KCNIP3: variants seen among roughly 807,000 people sequenced by gnomAD.
The protein encoded by KCNIP3 is potassium voltage-gated channel interacting protein 3, also known as calsenilin.
A neutral mutation model predicts 35.0 loss-of-function variants in KCNIP3; 28 were observed. That is an observed-to-expected ratio of 0.80 (90% CI 0.59 to 1.10). The LOEUF is 1.10. Among genes scored for constraint, KCNIP3 ranks in the 50% least tolerant of loss-of-function variants. The probability of loss-of-function intolerance (pLI) is 0.00; values close to 1 mark genes in which losing one functional copy is unlikely to be tolerated. For missense variants in KCNIP3, 295 were observed against 338.4 expected, an observed-to-expected ratio of 0.87 and a Z score of 1.01; for synonymous variants, 134 against 133.8, an observed-to-expected ratio of 1.00 and a Z score of -0.01.
chr2:95,326,715 G>C (rs1678804998), intron 2 of KCNIP3, among the ~76,000 whole-genome samples: 1 of 152,208 alleles, frequency 6.6e-6, no homozygotes, highest in Non-Finnish European at 1.5e-5. Context: ...ATGTAAATTG[G>C]AGTCTGCCAC....
In KCNIP3 at chr2:95,308,938, G is replaced by T. The variant is rs1678246604; in HGVS notation, c.16-1417G>T. On this transcript the variant is annotated intron_variant, in intron 1 of 8. Coordinates refer to ENST00000295225, the MANE Select transcript of KCNIP3 (RefSeq NM_013434.5). ...AAATACTTTTCAGGACCGTGCAAAGGTAGCACACACGAGACCCTGTGACCT... is the reference window on the plus strand; with the variant it reads ...AAATACTTTTCAGGACCGTGCAAAGTTAGCACACACGAGACCCTGTGACCT... Among the ~76,000 whole-genome samples the T allele has an allele frequency of 2.6e-5, 4 of 152,224 alleles. No individual in the cohort carries two copies. In the South Asian group the frequency reaches 8.3e-4, roughly 32 times the overall value.
intron 5 of KCNIP3, among the ~76,000 whole-genome samples, chr2:95,380,223 T>C (rs1680303730): frequency 6.6e-6 from 1 of 152,232 alleles, no homozygotes; most frequent in Admixed American, 6.5e-5. Flanking sequence ...TTTTTCCAGT[T>C]ACCTCTTTTT....
intron 2 of KCNIP3, among the ~76,000 whole-genome samples, chr2:95,363,829 A>G (rs1306840359): frequency 6.6e-6 from 1 of 152,112 alleles, no homozygotes; most frequent in Non-Finnish European, 1.5e-5. Context: ...ATTTTTAATT[A>G]TATTTTCTAG....
intron 2 of KCNIP3, among the ~76,000 whole-genome samples, chr2:95,320,756 C>T (rs189016015): frequency 6.6e-6 from 1 of 152,226 alleles, no homozygotes; most frequent in Admixed American, 6.5e-5. Flanking sequence ...CCAGGGGACA[C>T]ATTCAGATCA....
At chr2:95,356,732 T>C (rs1679664853) in intron 2 of KCNIP3, among the ~76,000 whole-genome samples, 1 of 152,226 alleles carries the variant, frequency 6.6e-6, no homozygotes, top group Non-Finnish European at 1.5e-5. Context: ...ACCCGTACCA[T>C]GCTGTTTTGG....
intron 2 of KCNIP3, among the ~76,000 whole-genome samples, chr2:95,349,387 A>G (rs927985758): frequency 1.3e-5 from 2 of 152,184 alleles, no homozygotes; most frequent in African/African-American, 4.8e-5. Context: ...GTAATAGACC[A>G]GAGTTATGGT....
intron 2 of KCNIP3, among the ~76,000 whole-genome samples, chr2:95,341,396 C>G (rs1378916768): frequency 1.3e-5 from 2 of 152,078 alleles, no homozygotes; most frequent in African/African-American, 4.8e-5. Context: ...TATAAATTAC[C>G]CAGTCTCAGG....
In KCNIP3 at chr2:95,384,440, C is replaced by T. The variant is rs533029307; in HGVS notation, c.*391C>T. 4.9e-5 allele frequency: 12 copies of T among 244,974 alleles called. No homozygotes were observed. The South Asian group carries it at 8.6e-4, about 18-fold the overall frequency. The allele number at this position is 244,974 out of a possible 1,614,324, so 15.2% of individuals were successfully genotyped here. On this transcript the variant is annotated 3_prime_UTR_variant, in exon 9 of 9. Coordinates refer to ENST00000295225, the MANE Select transcript of KCNIP3 (RefSeq NM_013434.5). ...TCTCCGGTGTGAGCCCACCTCGTCCCGTTCTCCATTCTGCTTTCTTGCCAC... is the reference window on the plus strand; with the variant it reads ...TCTCCGGTGTGAGCCCACCTCGTCCTGTTCTCCATTCTGCTTTCTTGCCAC...
intron 5 of KCNIP3, among the ~76,000 whole-genome samples, chr2:95,380,673 G>A (rs1680315310): frequency 6.6e-6 from 1 of 152,166 alleles, no homozygotes; most frequent in South Asian, 2.1e-4. Flanking sequence ...AGTTTCCCAT[G>A]CCAAAGGCGA....
intron 2 of KCNIP3, among the ~76,000 whole-genome samples, chr2:95,370,471 A>G (rs984654979): frequency 5.9e-5 from 9 of 152,244 alleles, no homozygotes; most frequent in Non-Finnish European, 1.3e-4. Flanking sequence ...TGGCTGAGCC[A>G]GTACTCCAGT....
At chr2:95,317,669 GAGAC>G (rs924663980) in intron 2 of KCNIP3, among the ~76,000 whole-genome samples, 6 of 152,202 alleles carry the variant, frequency 3.9e-5, no homozygotes, top group Admixed American at 1.3e-4. Context: ...TTGAGAGACA[GAGAC>G]AGACAGACAG....
At position 95,310,457 on chromosome 2, in the gene KCNIP3, C is replaced by T. The variant is rs1678283695; in HGVS notation, c.118C>T (p.Gln40Ter). ...GTGGCAGAGGCCGAGGCTCAGCCGC[C>T]AGGCTTTGATGAGATGCTGCCTGGT... Reference protein sequence around the residue: ...IKWQRPRLSRQALMRCCLVKW... With the variant: ...IKWQRPRLSR Residue 40 changes from glutamine (Q) to a stop codon, truncating the protein, a stop_gained, in exon 2 of 9, where the codon CAG (glutamine) becomes TAG (stop). Transcript: ENST00000295225. LOFTEE classifies it high-confidence loss of function. 24 of 1,613,406 alleles carry T rather than the reference C, an allele frequency of 1.5e-5. No homozygotes were observed. The highest frequency in any genetic ancestry group is 1.8e-5 in the Non-Finnish European group (21 of 1,179,958).
At chr2:95,348,136 C>T (rs1428586065) in intron 2 of KCNIP3, among the ~76,000 whole-genome samples, 1 of 152,390 alleles carries the variant, frequency 6.6e-6, no homozygotes, top group Non-Finnish European at 1.5e-5. Context: ...CTCTGCCACA[C>T]CTTCTCTCTT....
intron 2 of KCNIP3, among the ~76,000 whole-genome samples, chr2:95,348,434 C>A (rs989134517): frequency 1.3e-5 from 2 of 152,154 alleles, no homozygotes; most frequent in Non-Finnish European, 2.9e-5. Context: ...CATTTTCTTT[C>A]CCCATCTGGA....
chr2:95,371,740 A>G (rs1299229896), intron 2 of KCNIP3, among the ~76,000 whole-genome samples: 1 of 151,572 alleles, frequency 6.6e-6, no homozygotes, highest in Non-Finnish European at 1.5e-5. Flanking sequence ...TTCTTGATGA[A>G]TTAATCCTTG....
At chr2:95,371,717 A>C (rs571099326) in intron 2 of KCNIP3, among the ~76,000 whole-genome samples, 1 of 151,974 alleles carries the variant, frequency 6.6e-6, no homozygotes, top group African/African-American at 2.4e-5. Flanking sequence ...TGTCTGTTTT[A>C]GATTATTCTG....
At chr2:95,335,265 C>T (rs1373912576) in intron 2 of KCNIP3, among the ~76,000 whole-genome samples, 1 of 152,250 alleles carries the variant, frequency 6.6e-6, no homozygotes, top group Non-Finnish European at 1.5e-5. Context: ...AATGTATCTA[C>T]TAATGATATA....
intron 2 of KCNIP3, among the ~76,000 whole-genome samples, chr2:95,359,816 C>T (rs1049954572): frequency 6.6e-6 from 1 of 152,230 alleles, no homozygotes; most frequent in African/African-American, 2.4e-5. Flanking sequence ...TGAGCCACAC[C>T]CAGGCCCACT....
At chr2:95,333,909 A>C (rs1678992818) in intron 2 of KCNIP3, among the ~76,000 whole-genome samples, 1 of 152,244 alleles carries the variant, frequency 6.6e-6, no homozygotes, top group Non-Finnish European at 1.5e-5. Context: ...TTCCCAAGTC[A>C]TTCGTCTGCA....
Sources: gnomAD v4.1 joint callset for allele counts (sites outside exome capture counted in the v4.1 genomes callset) on GRCh38, gnomAD v4.1.1 for gene constraint, MANE v1.5 for transcripts, NCBI Gene and HGNC (gene_info 2026-07-23, HGNC 2026-07-21) for gene names.